The following FHOD1 variants were observed in gnomAD, a reference collection of about 807,000 sequenced individuals.
The protein encoded by FHOD1 is FH1/FH2 domain-containing protein 1.
Under a neutral mutation model 111.6 loss-of-function variants are expected in FHOD1, and 89 were observed. The ratio of observed to expected loss-of-function variants is 0.80; its 90% CI spans 0.67 to 0.95. The LOEUF (loss-of-function observed/expected upper bound fraction) is 0.95. FHOD1 is among the 40% of genes least tolerant of loss of function. The pLI is 0.00. For synonymous variants in FHOD1, 618 were observed against 639.0 expected, an observed-to-expected ratio of 0.97 and a Z score of 0.50; for missense variants, 1,446 against 1,554.2, an observed-to-expected ratio of 0.93 and a Z score of 1.17.
intron 1 of FHOD1, among the ~76,000 whole-genome samples, chr16:67,243,046 C>T (rs1011363232): frequency 6.6e-6 from 1 of 151,722 alleles, no homozygotes; most frequent in Non-Finnish European, 1.5e-5. Context: ...CCGCTTGTTT[C>T]TTTAGACTGT....
At position 67,239,404 on chromosome 16, in the gene FHOD1, G is replaced by A. The variant is rs1169941209; in HGVS notation, c.252C>T (p.Thr84=). 3.6e-5 allele frequency: 58 copies of A among 1,614,018 alleles called. No individual in the cohort carries two copies. Among genetic ancestry groups the A allele is most frequent in the Middle Eastern group, 1.6e-4 (1 of 6,084 alleles). ...QVSPSGYYLD[T]ELSLEEQREM... is the part of the protein sequence containing the mutation. Reference sequence around the variant, plus strand: ...CCCGCTGCTCTTCCAGGGACAGCTCGGTGTCCAGGTAGTATCCGGAGGGAG... The same window carrying A: ...CCCGCTGCTCTTCCAGGGACAGCTCAGTGTCCAGGTAGTATCCGGAGGGAG... The change falls in exon 2 of 22, where the codon ACC becomes ACT. Residue 84 remains threonine, a synonymous_variant. Transcript: ENST00000258201.
At chr16:67,242,479 G>C (rs1313566268) in intron 1 of FHOD1, among the ~76,000 whole-genome samples, 1 of 152,208 alleles carries the variant, frequency 6.6e-6, no homozygotes, top group East Asian at 1.9e-4. Flanking sequence ...CTGCTAGCAG[G>C]ATGGCACATG....
At chr16:67,236,754 T>C in intron 10 of FHOD1, 21 bp from the exon 11 acceptor site, 5 of 911,348 alleles carry the variant, frequency 5.5e-6, no homozygotes, top group Non-Finnish European at 6.3e-6. Flanking sequence ...GGGCTGTCAG[T>C]GGGGCGGGGC....
In FHOD1 at chr16:67,237,411, T is replaced by A. The variant is rs201164913; in HGVS notation, c.850-29A>T. 2 of 1,613,810 alleles carry A rather than the reference T, an allele frequency of 1.2e-6. No individual in the cohort carries two copies. Among genetic ancestry groups the A allele is most frequent in the African/African-American group, 2.7e-5 (2 of 75,040 alleles). On this transcript the variant is annotated intron_variant, in intron 8 of 21. Coordinates refer to ENST00000258201, the MANE Select transcript of FHOD1 (RefSeq NM_013241.3). This position sits in a 1 kb window ranked among gnomAD's most constrained non-coding sequence, Gnocchi z 5.6. ...GAGGGCGGGGATAAGAAGGCAAGGC[T>A]GAGGTTGGTGGGGAGGTCAGGAGCC...
rs1469368619 is a variant in FHOD1 at position 67,230,462 on chromosome 16, G to T, written c.2903C>A (p.Ala968Asp). ...GAACTGCATGATGCGCACTTCACGG[G>T]CCGCCTGCGGGGTGTAGCCCAGGTA... ...LLYLGYTPQAAREVRIMQFCH... is the reference protein window; with the variant it reads ...LLYLGYTPQADREVRIMQFCH... The change falls in exon 19 of 22, where the codon GCC (alanine) becomes GAC (aspartate). Residue 968 changes from alanine (A) to aspartate (D), a missense_variant. By Grantham distance (126) the Ala-to-Asp change is moderately radical. Transcript: ENST00000258201. 6.2e-7 allele frequency: 1 copy of T among 1,614,132 alleles called. No individual in the cohort carries two copies. The highest frequency in any genetic ancestry group is 8.5e-7 in the Non-Finnish European group (1 of 1,180,058).
intron 1 of FHOD1, among the ~76,000 whole-genome samples, chr16:67,246,679 C>T (rs1043595873): frequency 6.6e-6 from 1 of 152,202 alleles, no homozygotes; most frequent in Non-Finnish European, 1.5e-5. Context: ...CCCCTCACCC[C>T]GTGAAGTCTC....
intron 1 of FHOD1, among the ~76,000 whole-genome samples, chr16:67,243,717 G>A (rs985236757): frequency 6.6e-6 from 1 of 152,162 alleles, no homozygotes; most frequent in Non-Finnish European, 1.5e-5. Context: ...GGATTGCCAA[G>A]AGCTGAAGAC....
chr16:67,233,317 C>A (rs1231536705), intron 13 of FHOD1, among the ~76,000 whole-genome samples: 1 of 152,042 alleles, frequency 6.6e-6, no homozygotes, highest in Non-Finnish European at 1.5e-5. Flanking sequence ...AACTCCTGAC[C>A]TCAAATGATC....
rs754951818 is a variant in FHOD1, at chr16:67,230,108, T to C, written c.3172A>G (p.Thr1058Ala). 3.0e-5 allele frequency: 48 copies of C among 1,614,088 alleles called. No individual in the cohort carries two copies. The highest frequency in any genetic ancestry group is 1.6e-4 in the Middle Eastern group (1 of 6,082). The change falls in exon 20 of 22, where the codon ACC becomes GCC. Residue 1058 changes from threonine (T) to alanine (A), a missense_variant. Transcript: ENST00000258201. ...DSHASMKSLL[T>A]SRPEDTTHNR... ...TGTGTGGTGTCCTCAGGCCTGCTGG[T>C]CAGCAGACTCTTCATACTAGCATGA...
At chr16:67,239,113 G>A (rs1200828842) in intron 2 of FHOD1, 146 bp from the exon 3 acceptor site, 13 of 806,024 alleles carry the variant, frequency 1.6e-5, no homozygotes, top group Admixed American at 2.1e-5. Context: ...AGGGTTGGTC[G>A]GACAAGAGGG....
intron 11 of FHOD1, chr16:67,234,719 A>C (rs1023250550): frequency 1.0e-5 from 5 of 486,630 alleles, no homozygotes; most frequent in Admixed American, 3.5e-5. Flanking sequence ...GATCTACTTA[A>C]CATCTAACTT....
Position 67,231,537 on chromosome 16 carries a change from G to A in FHOD1, c.2398C>T (p.Pro800Ser), listed in dbSNP as rs779945795. ...YDSMEREIAEPLFDLKVGMEQ... is the reference protein window; with the variant it reads ...YDSMEREIAESLFDLKVGMEQ... ...ATACCCACTTTCAGGTCAAACAGTG[G>A]CTCAGCAATTTCCTGGTATGGGAGA... Residue 800 changes from proline (P) to serine (S), a missense_variant, in exon 16 of 22, where the codon CCA (proline) becomes TCA (serine). Physicochemically the swap from Pro to Ser is moderately conservative, Grantham distance 74. Transcript: ENST00000258201. The surrounding 1 kb of genome is among the most constrained non-coding windows in gnomAD (Gnocchi z 4.3). The A allele has an allele frequency of 6.2e-7, 1 of 1,614,140 alleles. No homozygotes were observed. The highest frequency in any genetic ancestry group is 2.2e-5 in the East Asian group (1 of 44,884).
In FHOD1 at chr16:67,230,747, G is replaced by A. The variant is rs375829375; in HGVS notation, c.2712C>T (p.Arg904=). 7 of 1,609,116 alleles carry A rather than the reference G, an allele frequency of 4.4e-6. No homozygotes were observed. In the African/African-American group the frequency reaches 8.0e-5, roughly 18 times the overall value. Reference sequence around the variant, plus strand: ...GGCTCTCCTCGGCTGCCCGGCTCCGGCGCTCCAGCTGCCCCAGGTTCTCAG... The same window carrying A: ...GGCTCTCCTCGGCTGCCCGGCTCCGACGCTCCAGCTGCCCCAGGTTCTCAG... The part of the protein sequence containing the change: ...QLTENLGQLE[R]RSRAAEESLR... The change falls in exon 18 of 22, where the codon CGC becomes CGT. Residue 904 remains arginine (R), a synonymous_variant. Coordinates refer to ENST00000258201, the MANE Select transcript of FHOD1 (RefSeq NM_013241.3).
chr16:67,241,136 G>A (rs1024070427), intron 1 of FHOD1, among the ~76,000 whole-genome samples: 11 of 77,308 alleles, frequency 1.4e-4, no homozygotes, highest in South Asian at 1.2e-3. Flanking sequence ...GCCCACCCCC[G>A]CCTGGGACCT....
At position 67,229,504 on chromosome 16, in the gene FHOD1, G is replaced by T; in HGVS notation, c.*132C>A. 1 of 779,906 alleles carries T rather than the reference G, an allele frequency of 1.3e-6. No homozygotes were observed. The highest frequency in any genetic ancestry group is 2.5e-5 in the East Asian group (1 of 39,866). The allele number at this position is 779,906 out of a possible 1,614,324, so 48.3% of individuals were successfully genotyped here. Reference sequence around the variant, plus strand: ...CACACACTCACATGCATACACACACGGCTAATACTGCTCAAGGCATGGCTC... The same window carrying T: ...CACACACTCACATGCATACACACACTGCTAATACTGCTCAAGGCATGGCTC... On this transcript the variant is annotated 3_prime_UTR_variant, in exon 22 of 22. Transcript: ENST00000258201.
Position 67,231,484 on chromosome 16 carries a change from G to T in FHOD1, c.2451C>A (p.Phe817Leu), listed in dbSNP as rs766724851. 1 of 1,614,174 alleles carries T rather than the reference G, an allele frequency of 6.2e-7. No homozygotes were observed. The highest frequency in any genetic ancestry group is 1.1e-5 in the South Asian group (1 of 91,084). The change falls in exon 16 of 22, where the codon TTC becomes TTA. Residue 817 changes from phenylalanine to leucine, a missense_variant. Phe to Leu is a conservative substitution (Grantham distance 22). Transcript: ENST00000258201. This position sits in a 1 kb window ranked among gnomAD's most constrained non-coding sequence, Gnocchi z 4.3. ...CTAGGAGGGTAGCCAGGATGCAGCG[G>T]AAGGTGGCATTCTGTACCAGCTGTT... is the stretch of plus-strand genomic sequence containing the variant. ...GMEQLVQNATFRCILATLLAV... is the reference protein window; with the variant it reads ...GMEQLVQNATLRCILATLLAV...
At chr16:67,236,072 G>A (rs2034463945) in intron 11 of FHOD1, 6 of 970,980 alleles carry the variant, frequency 6.2e-6, no homozygotes, top group Non-Finnish European at 7.3e-6. Flanking sequence ...CAGGGGCCCT[G>A]GGTAGGGGGG....
At position 67,234,373 on chromosome 16, in the gene FHOD1, C is replaced by A; in HGVS notation, c.1419G>T (p.Glu473Asp). 1 of 1,610,892 alleles carries A rather than the reference C, an allele frequency of 6.2e-7. No individual in the cohort carries two copies. The highest frequency in any genetic ancestry group is 8.5e-7 in the Non-Finnish European group (1 of 1,179,594). ...CCTACTCACCTGGGTGTCCACCCGC[C>A]TCATTGGGCATGGCCCCGGCAAGTG... is the stretch of plus-strand genomic sequence containing the variant. ...AETLAGAMPNEAGGHPDARQL... is the reference protein window; with the variant it reads ...AETLAGAMPNDAGGHPDARQL... Residue 473 changes from glutamate (E) to aspartate (D), a missense_variant, in exon 12 of 22, where the codon GAG becomes GAT. This residue lies in a region of FHOD1 where 1,085 missense variants were observed against 1,108.8 expected (regional missense o/e 0.98). Transcript: ENST00000258201.
At chr16:67,239,531 T>C in intron 1 of FHOD1, 77 bp from the exon 2 acceptor site, 1 of 1,036,670 alleles carries the variant, frequency 9.6e-7, no homozygotes. Flanking sequence ...ACCTCTTACC[T>C]ACCACTTGAA....
Sources: gnomAD v4.1 joint callset for allele counts (sites outside exome capture counted in the v4.1 genomes callset) on GRCh38, gnomAD v4.1.1 for gene constraint, gnomAD v4.1.1 regional missense constraint, Gnocchi (gnomAD v3.1) non-coding constraint, MANE v1.5 for transcripts, NCBI Gene and HGNC (gene_info 2026-07-23, HGNC 2026-07-21) for gene names.